BCAS3: variants seen among roughly 807,000 people sequenced by gnomAD.
BCAS3 encodes the protein BCAS3 microtubule associated cell migration factor.
BCAS3 carries 53 observed loss-of-function variants against 116.1 expected under a neutral mutation model. The ratio of observed to expected loss-of-function variants is 0.46; its 90% CI spans 0.37 to 0.57. The LOEUF is 0.57. Ranked by LOEUF, BCAS3 falls within the 20% of genes least tolerant of loss-of-function variation. BCAS3 has a pLI of 0.00. For missense variants in BCAS3, 917 were observed against 1,165.4 expected (o/e 0.79, Z 3.10); for synonymous variants, 391 against 408.2 (o/e 0.96, Z 0.51).
At chr17:61,275,957 C>T (rs549274854) in intron 22 of BCAS3, among the ~76,000 whole-genome samples, 4 of 152,280 alleles carry the variant, frequency 2.6e-5, no homozygotes, top group Non-Finnish European at 5.9e-5. Flanking sequence ...AGTACAAAGT[C>T]ATTATAATAC....
rs2059939471 is a variant in BCAS3 at position 61,387,958 on chromosome 17, G to A, written c.2594-4019G>A. 6.6e-6 allele frequency among the ~76,000 whole-genome samples: 1 copy of A among 152,154 alleles called. No individual in the cohort carries two copies. Among genetic ancestry groups the A allele is most frequent in the African/African-American group, 2.4e-5 (1 of 41,422 alleles). On this transcript the variant is annotated intron_variant, in intron 23 of 23. Coordinates refer to ENST00000407086, the MANE Select transcript of BCAS3 (RefSeq NM_017679.5). This position sits in a 1 kb window ranked among gnomAD's most constrained non-coding sequence, Gnocchi z 6.2. ...ACTCCTCCTCTCCTGCCCTACTTTGGGGCCTGGAGAACAAGCTCTTTTAAA... is the reference window on the plus strand; with the variant it reads ...ACTCCTCCTCTCCTGCCCTACTTTGAGGCCTGGAGAACAAGCTCTTTTAAA...
At chr17:60,873,188 G>A (rs543755024) in intron 8 of BCAS3, among the ~76,000 whole-genome samples, 26 of 151,778 alleles carry the variant, frequency 1.7e-4, no homozygotes, top group Non-Finnish European at 3.5e-4. Flanking sequence ...CACATATATA[G>A]CAAATTATCA....
chr17:61,375,246 G>GTGTGTGCGCGCGCGCGCGCACA (rs1555861730), intron 23 of BCAS3, among the ~76,000 whole-genome samples: 3 of 150,666 alleles, frequency 2.0e-5, no homozygotes, highest in African/African-American at 7.5e-5. Flanking sequence ...GTGTGTGTGT[G>GTGTGTGCGCGCGCGCGCGCACA]TGTGTGTGTA....
chr17:61,297,079 C>T (rs1016372389), intron 22 of BCAS3, among the ~76,000 whole-genome samples: 4 of 152,090 alleles, frequency 2.6e-5, no homozygotes, highest in African/African-American at 7.2e-5. Context: ...AATTATTTAT[C>T]GAAGTGAGGA....
At chr17:60,768,481 A>T (rs532112133) in intron 6 of BCAS3, among the ~76,000 whole-genome samples, 2 of 152,312 alleles carry the variant, frequency 1.3e-5, no homozygotes, top group African/African-American at 4.8e-5. Context: ...GCTGTCGAAC[A>T]TCGGACTCCA....
chr17:61,368,215 A>C lies in BCAS3; in HGVS notation c.2426-112A>C, dbSNP rs1162190682. On this transcript the variant is annotated intron_variant, in intron 22 of 23. Transcript: ENST00000407086. The surrounding 1 kb of genome is among the most constrained non-coding windows in gnomAD (Gnocchi z 6.0). ...TGTTGGCGGCGTGCTTCCATCCTAC[A>C]GGAAGGCTACAATGGACCCTGGGTA... is the stretch of plus-strand genomic sequence containing the variant. The C allele has an allele frequency of 5.0e-6, 6 of 1,203,758 alleles. No individual in the cohort carries two copies. Among genetic ancestry groups the C allele is most frequent in the Non-Finnish European group, 5.8e-6 (5 of 867,048 alleles). 74.6% of individuals were successfully genotyped at this position (1,203,758 alleles called of 1,614,324 possible).
rs2058512522 is a variant in BCAS3 at position 61,362,637 on chromosome 17, T to C, written c.2426-5690T>C. On this transcript the variant is annotated intron_variant, in intron 22 of 23. Transcript: ENST00000407086. This position sits in a 1 kb window ranked among gnomAD's most constrained non-coding sequence, Gnocchi z 4.4. ...GCCAGCTGTCACAGCATGCCTTTAA[T>C]GGGTTTGTGAAACCCAAGAACCTGA... 6.6e-6 allele frequency: 1 copy of C among 152,228 alleles called. No homozygotes were observed. The highest frequency in any genetic ancestry group is 1.5e-5 in the Non-Finnish European group (1 of 68,048). The allele number at this position is 152,228 out of a possible 1,614,324, so 9.4% of individuals were successfully genotyped here.
chr17:61,311,145 G>C (rs981710909), intron 22 of BCAS3, among the ~76,000 whole-genome samples: 3 of 152,128 alleles, frequency 2.0e-5, no homozygotes, highest in African/African-American at 7.2e-5. Flanking sequence ...ATGCTATGTA[G>C]ATGTTACTTT....
intron 5 of BCAS3, among the ~76,000 whole-genome samples, chr17:60,733,724 G>C (rs1170691554): frequency 6.6e-6 from 1 of 152,032 alleles, no homozygotes; most frequent in East Asian, 1.9e-4. Flanking sequence ...GCATGTACCC[G>C]TGGTCCCAGC....
At chr17:60,707,485 G>T (rs928106060) in intron 4 of BCAS3, among the ~76,000 whole-genome samples, 17 of 152,204 alleles carry the variant, frequency 1.1e-4, no homozygotes, top group Non-Finnish European at 2.1e-4. Context: ...CAAGGGTCAA[G>T]TGTACTTTTC....
chr17:60,912,078 C>T (rs2058544320), intron 12 of BCAS3, among the ~76,000 whole-genome samples: 1 of 152,056 alleles, frequency 6.6e-6, no homozygotes, highest in Admixed American at 6.6e-5. Flanking sequence ...TTCCCCCATG[C>T]ACTCATAAAC....
intron 22 of BCAS3, among the ~76,000 whole-genome samples, chr17:61,152,489 A>G (rs555458356): frequency 2.0e-5 from 3 of 152,132 alleles, no homozygotes; most frequent in African/African-American, 7.2e-5. Flanking sequence ...GGAAGTCCAG[A>G]TGGCTTCACC....
In BCAS3 at chr17:60,825,564, AAAT is replaced by A. The variant is rs776712791; in HGVS notation, c.476+17492_476+17494del. Among the ~76,000 whole-genome samples the A allele has an allele frequency of 6.1e-3, 879 of 144,048 alleles. 2 individuals carry two copies. The highest frequency in any genetic ancestry group is 0.026 in the Middle Eastern group (7 of 274). 94.5% of individuals were successfully genotyped at this position (144,048 alleles called of 152,430 possible). A position where few individuals can be genotyped will look rare whatever the true frequency, so the allele number is the denominator to read the frequency against. On this transcript the variant is annotated intron_variant, in intron 7 of 23. Transcript: ENST00000407086. ...TAAATAATTATTTATAATAATTTAT[AAAT>A]AATTATTATTTATAATAATTTATAA...
At chr17:60,908,839 G>A (rs1450836243) in intron 11 of BCAS3, among the ~76,000 whole-genome samples, 1 of 152,086 alleles carries the variant, frequency 6.6e-6, no homozygotes, top group Non-Finnish European at 1.5e-5. Context: ...GTATTTATTA[G>A]TATATTATTA....
At chr17:60,977,419 C>G (rs2062475957) in intron 14 of BCAS3, among the ~76,000 whole-genome samples, 1 of 152,020 alleles carries the variant, frequency 6.6e-6, no homozygotes, top group Non-Finnish European at 1.5e-5. Flanking sequence ...TTCAGGTGAA[C>G]CTTCCACTTC....
At chr17:61,014,261 C>T (rs1055184706) in intron 15 of BCAS3, among the ~76,000 whole-genome samples, 6 of 151,910 alleles carry the variant, frequency 3.9e-5, no homozygotes, top group Non-Finnish European at 5.9e-5. Flanking sequence ...TGGCTTATTC[C>T]GTAACACAGA....
chr17:60,779,660 C>T (rs1321155069), intron 6 of BCAS3, among the ~76,000 whole-genome samples: 1 of 152,046 alleles, frequency 6.6e-6, no homozygotes, highest in Non-Finnish European at 1.5e-5. Flanking sequence ...TGAGCCATCG[C>T]GCCCGGCAGA....
At chr17:60,973,047 T>C (rs1016543893) in intron 14 of BCAS3, among the ~76,000 whole-genome samples, 6 of 152,184 alleles carry the variant, frequency 3.9e-5, no homozygotes, top group Admixed American at 1.3e-4. Flanking sequence ...GGCATACTTT[T>C]GGCCATAGAA....
At chr17:60,998,690 G>T (rs1364795266) in intron 15 of BCAS3, among the ~76,000 whole-genome samples, 1 of 151,848 alleles carries the variant, frequency 6.6e-6, no homozygotes, top group African/African-American at 2.4e-5. Context: ...TTTGTTTTTT[G>T]CTTGCTGATT....
Sources: gnomAD v4.1 joint callset for allele counts (sites outside exome capture counted in the v4.1 genomes callset) on GRCh38, gnomAD v4.1.1 for gene constraint, Gnocchi (gnomAD v3.1) non-coding constraint, MANE v1.5 for transcripts, NCBI Gene and HGNC (gene_info 2026-07-23, HGNC 2026-07-21) for gene names.